SLC5A4: variants seen among roughly 807,000 people sequenced by gnomAD.
SLC5A4 encodes probable glucose sensor protein SLC5A4.
A neutral mutation model predicts 70.3 loss-of-function variants in SLC5A4; 55 were observed. The ratio of observed to expected loss-of-function variants is 0.78; its 90% CI spans 0.63 to 0.98. SLC5A4 has a LOEUF of 0.98. SLC5A4 is among the 50% of genes least tolerant of loss of function. The pLI, the probability that SLC5A4 is intolerant of heterozygous loss-of-function variation, is 0.00. For synonymous variants in SLC5A4, 268 were observed against 305.7 expected, an observed-to-expected ratio of 0.88 and a Z score of 1.29; for missense variants, 735 against 839.2, an observed-to-expected ratio of 0.88 and a Z score of 1.53.
the SLC5A4 span, among the ~76,000 whole-genome samples, chr22:32,286,390 T>C: frequency 1.3e-5 from 2 of 152,186 alleles, no homozygotes; most frequent in Non-Finnish European, 2.9e-5. Flanking sequence ...TCCATGACAT[T>C]CACTGCAGGG....
chr22:32,353,617 G>A, the SLC5A4 span, among the ~76,000 whole-genome samples: 2 of 151,566 alleles, frequency 1.3e-5, no homozygotes, highest in African/African-American at 4.9e-5. Context: ...ACCCGCCGCC[G>A]GCAGTGTAGC....
intron 5 of SLC5A4, among the ~76,000 whole-genome samples, chr22:32,242,957 A>C (rs777967028): frequency 6.6e-6 from 1 of 152,154 alleles, no homozygotes; most frequent in Non-Finnish European, 1.5e-5. Flanking sequence ...CTAGTGGAAA[A>C]ATTTGAAGAG....
chr22:32,307,280 C>T, the SLC5A4 span, among the ~76,000 whole-genome samples: 1 of 151,838 alleles, frequency 6.6e-6, no homozygotes, highest in African/African-American at 2.4e-5. Flanking sequence ...GTCAAATCTG[C>T]TCTTCATCAA....
chr22:32,296,349 G>C, the SLC5A4 span, among the ~76,000 whole-genome samples: 1 of 79,258 alleles, frequency 1.3e-5, no homozygotes, highest in African/African-American at 4.8e-5. Context: ...GTGGTTTGTA[G>C]TTCTCCTTGA....
chr22:32,221,423 T>C (rs982659050), intron 13 of SLC5A4, among the ~76,000 whole-genome samples: 2 of 152,168 alleles, frequency 1.3e-5, no homozygotes, highest in African/African-American at 4.8e-5. Flanking sequence ...TTTCAAACTA[T>C]CTTCTTAAAT....
chr22:32,260,035 A>G (rs5998353), upstream of SLC5A4, among the ~76,000 whole-genome samples: 23,988 of 152,222 alleles, frequency 0.16, 2,162 homozygotes, highest in African/African-American at 0.26. Flanking sequence ...GATTGAGGCT[A>G]GTGAAAGAAA....
chr22:32,318,782 A>T, the SLC5A4 span, among the ~76,000 whole-genome samples: 1 of 151,818 alleles, frequency 6.6e-6, no homozygotes, highest in Non-Finnish European at 1.5e-5. Flanking sequence ...CAGATTCACT[A>T]AGAGTAGAAG....
chr22:32,330,432 T>A, the SLC5A4 span, among the ~76,000 whole-genome samples: 1 of 109,624 alleles, frequency 9.1e-6, no homozygotes, highest in Non-Finnish European at 1.9e-5. Context: ...GGTGTATATG[T>A]TGGGGACTCT....
At chr22:32,237,927 G>A (rs1054419465) in intron 6 of SLC5A4, among the ~76,000 whole-genome samples, 19 of 152,082 alleles carry the variant, frequency 1.2e-4, no homozygotes, top group African/African-American at 4.6e-4. Context: ...GAACACAGAA[G>A]ACTCATGCCC....
chr22:32,319,211 C>A, the SLC5A4 span, among the ~76,000 whole-genome samples: 1 of 151,728 alleles, frequency 6.6e-6, no homozygotes. Context: ...CATCAGCTCT[C>A]CTGGGTCTCA....
the SLC5A4 span, among the ~76,000 whole-genome samples, chr22:32,347,717 A>AG: frequency 3.6e-5 from 2 of 54,992 alleles, no homozygotes; most frequent in East Asian, 6.4e-4. Flanking sequence ...GGGTGGGGGG[A>AG]GGGGGGAGGG....
chr22:32,230,930 A>C (rs78477798), intron 10 of SLC5A4, 38 bp downstream of exon 10: 2 of 1,302,874 alleles, frequency 1.5e-6, no homozygotes, highest in Non-Finnish European at 2.2e-6. Flanking sequence ...CGTCTTAGAC[A>C]GGCCTCTGGG....
chr22:32,342,683 T>C, the SLC5A4 span, among the ~76,000 whole-genome samples: 5 of 152,230 alleles, frequency 3.3e-5, no homozygotes, highest in African/African-American at 9.7e-5. Flanking sequence ...TAGTGTCCAC[T>C]GGAAAATACT....
At chr22:32,338,486 C>T in the SLC5A4 span, among the ~76,000 whole-genome samples, 1 of 152,038 alleles carries the variant, frequency 6.6e-6, no homozygotes, top group Non-Finnish European at 1.5e-5. Flanking sequence ...TCCCCCACCA[C>T]CCACCCTGTC....
chr22:32,303,842 G>A, the SLC5A4 span, among the ~76,000 whole-genome samples: 2 of 152,072 alleles, frequency 1.3e-5, no homozygotes, highest in African/African-American at 4.8e-5. Context: ...TGAGTCGGAT[G>A]GTAAAAATAT....
chr22:32,230,925 T>A, intron 10 of SLC5A4, 43 bp downstream of exon 10: 1 of 1,260,306 alleles, frequency 7.9e-7, no homozygotes, highest in Non-Finnish European at 1.2e-6. Flanking sequence ...AGGCCCGTCT[T>A]AGACAGGCCT....
At chr22:32,340,523 G>GT in the SLC5A4 span, among the ~76,000 whole-genome samples, 1 of 152,244 alleles carries the variant, frequency 6.6e-6, no homozygotes, top group South Asian at 2.1e-4. Context: ...GGCGACGCAC[G>GT]TGACAAGGCA....
At chr22:32,295,115 C>T in the SLC5A4 span, among the ~76,000 whole-genome samples, 2 of 107,170 alleles carry the variant, frequency 1.9e-5, 1 homozygote, top group East Asian at 4.8e-4. Context: ...AATAATGCCA[C>T]AATAAACATA....
upstream of SLC5A4, among the ~76,000 whole-genome samples, chr22:32,259,489 G>A (rs923332952): frequency 2.0e-5 from 3 of 151,974 alleles, no homozygotes; most frequent in South Asian, 4.2e-4. Flanking sequence ...TTCTATTAAC[G>A]TGGCATGCTA....
Sources: allele counts gnomAD v4.1 joint callset (sites outside exome capture counted in the v4.1 genomes callset), GRCh38; gene constraint gnomAD v4.1.1; transcripts MANE v1.5; gene names NCBI Gene and HGNC (gene_info 2026-07-23, HGNC 2026-07-21).